The following ELAVL4 variants were observed in gnomAD, a reference collection of about 807,000 sequenced individuals.
ELAVL4 encodes the protein ELAV like RNA binding protein 4.
In ELAVL4, 1 loss-of-function variant was observed where a neutral mutation model predicts 35.6. The ratio of observed to expected loss-of-function variants is 0.03; its 90% CI spans 0.01 to 0.13. The LOEUF (loss-of-function observed/expected upper bound fraction) is 0.13. Ranked by LOEUF, ELAVL4 falls within the 10% of genes least tolerant of loss-of-function variation. The pLI is 1.00. For synonymous variants in ELAVL4, 156 were observed against 171.0 expected, an observed-to-expected ratio of 0.91 and a Z score of 0.69; for missense variants, 267 against 464.9, an observed-to-expected ratio of 0.57 and a Z score of 3.91.
intron 2 of ELAVL4, among the ~76,000 whole-genome samples, chr1:50,153,311 G>C (rs191067742): frequency 6.6e-6 from 1 of 152,186 alleles, no homozygotes; most frequent in South Asian, 2.1e-4. Flanking sequence ...TGCCTACTGC[G>C]TGTCAGCTAC....
intron 1 of ELAVL4, 25 bp from the exon 2 acceptor site, chr1:50,144,932 T>C: frequency 6.3e-7 from 1 of 1,597,052 alleles, no homozygotes; most frequent in Non-Finnish European, 8.5e-7. Context: ...AAAAGGCTTT[T>C]TCAATTGTTT....
chr1:50,082,284 A>G (rs945257760), intron 1 of ELAVL4, among the ~76,000 whole-genome samples: 2 of 152,196 alleles, frequency 1.3e-5, no homozygotes, highest in African/African-American at 4.8e-5. Flanking sequence ...GAACTAATTT[A>G]CACTCCTACC....
intron 3 of ELAVL4, among the ~76,000 whole-genome samples, chr1:50,184,758 A>G (rs1179765958): frequency 2.0e-5 from 3 of 152,162 alleles, no homozygotes; most frequent in African/African-American, 7.2e-5. Context: ...GGCTCCGATC[A>G]TCGGAAGCAT....
chr1:50,085,701 A>T (rs890114404), intron 1 of ELAVL4, among the ~76,000 whole-genome samples: 1 of 152,210 alleles, frequency 6.6e-6, no homozygotes, highest in Non-Finnish European at 1.5e-5. Flanking sequence ...TTGACAGATG[A>T]GGTACCATTT....
Position 50,162,983 on chromosome 1 carries a change from A to T in ELAVL4, c.251-14106A>T, listed in dbSNP as rs914846326. 2.0e-5 allele frequency among the ~76,000 whole-genome samples: 3 copies of T among 152,210 alleles called. No individual in the cohort carries two copies. The South Asian group carries it at 6.2e-4, about 32-fold the overall frequency. ...GAATCTCTGCCAGAGATATAAGGAG[A>T]TCTCATATACACATCTGAGAATGGA... On this transcript the variant is annotated intron_variant, in intron 2 of 6. Transcript: ENST00000371824.
At chr1:50,089,529 G>A (rs1352478414) in intron 1 of ELAVL4, among the ~76,000 whole-genome samples, 4 of 152,212 alleles carry the variant, frequency 2.6e-5, no homozygotes, top group African/African-American at 9.6e-5. Flanking sequence ...AAGGTGGGCA[G>A]ATCAATTGAG....
At chr1:50,131,186 G>A (rs946215303) in intron 1 of ELAVL4, among the ~76,000 whole-genome samples, 1 of 151,852 alleles carries the variant, frequency 6.6e-6, no homozygotes, top group Non-Finnish European at 1.5e-5. Context: ...ATATTCTTAG[G>A]GACATAGTAA....
At chr1:50,079,103 T>C (rs760350405) in intron 1 of ELAVL4, among the ~76,000 whole-genome samples, 1 of 152,186 alleles carries the variant, frequency 6.6e-6, no homozygotes, top group Non-Finnish European at 1.5e-5. Flanking sequence ...TTATTTATTA[T>C]TATTTTTTAG....
chr1:50,109,516 G>T, intron 1 of ELAVL4: 1 of 364,302 alleles, frequency 2.7e-6, no homozygotes, highest in Non-Finnish European at 4.9e-6. Context: ...GGCAAAAGAA[G>T]GGTTTTCTTT....
chr1:50,176,035 T>G (rs960048297), intron 2 of ELAVL4, among the ~76,000 whole-genome samples: 1 of 152,160 alleles, frequency 6.6e-6, no homozygotes, highest in Admixed American at 6.5e-5. Context: ...TCTTAAAGGG[T>G]ATGTCAGAAA....
chr1:50,078,175 G>A (rs543047366), intron 1 of ELAVL4, among the ~76,000 whole-genome samples: 1 of 151,600 alleles, frequency 6.6e-6, no homozygotes, highest in South Asian at 2.1e-4. Flanking sequence ...ATATCTATGT[G>A]AATATATTGC....
At chr1:50,084,083 T>A (rs1665128911) in intron 1 of ELAVL4, among the ~76,000 whole-genome samples, 1 of 152,194 alleles carries the variant, frequency 6.6e-6, no homozygotes, top group Admixed American at 6.5e-5. Context: ...TCTTTAGCCA[T>A]CAGGACATTT....
intron 2 of ELAVL4, among the ~76,000 whole-genome samples, chr1:50,151,410 A>T (rs1312539330): frequency 6.6e-6 from 1 of 152,170 alleles, no homozygotes. Flanking sequence ...CTAGACTTGG[A>T]GTGGTTTTTT....
intron 3 of ELAVL4, among the ~76,000 whole-genome samples, chr1:50,188,692 A>G (rs1442734823): frequency 6.6e-6 from 1 of 152,202 alleles, no homozygotes; most frequent in Non-Finnish European, 1.5e-5. Context: ...AGCCTGGAAC[A>G]GAATGTGTGC....
intron 1 of ELAVL4, among the ~76,000 whole-genome samples, chr1:50,091,947 C>A (rs1038605519): frequency 2.0e-5 from 3 of 152,138 alleles, no homozygotes; most frequent in Admixed American, 2.0e-4. Context: ...CTTCCAAACT[C>A]TTTCGCCTAG....
intron 1 of ELAVL4, among the ~76,000 whole-genome samples, chr1:50,113,046 C>A (rs1447981196): frequency 6.6e-6 from 1 of 152,014 alleles, no homozygotes; most frequent in Admixed American, 6.6e-5. Flanking sequence ...ATATTTTAAA[C>A]TTAGGATTTC....
chr1:50,138,306 AT>A (rs1310778985), intron 1 of ELAVL4, among the ~76,000 whole-genome samples: 22 of 152,200 alleles, frequency 1.4e-4, no homozygotes, highest in Non-Finnish European at 2.8e-4. Context: ...TCTGGAGATA[AT>A]AGATTGGCTT....
chr1:50,088,369 A>G (rs1665340376), intron 1 of ELAVL4, among the ~76,000 whole-genome samples: 1 of 152,180 alleles, frequency 6.6e-6, no homozygotes, highest in African/African-American at 2.4e-5. Context: ...ATGCTGACTT[A>G]TTCATTAACA....
chr1:50,051,202 T>C (rs1415843167), intron 1 of ELAVL4, among the ~76,000 whole-genome samples: 1 of 152,158 alleles, frequency 6.6e-6, no homozygotes. Flanking sequence ...CAAACATATA[T>C]CCACAAAGAG....
Sources: gnomAD v4.1 joint callset for allele counts (sites outside exome capture counted in the v4.1 genomes callset) on GRCh38, gnomAD v4.1.1 for gene constraint, MANE v1.5 for transcripts, NCBI Gene and HGNC (gene_info 2026-07-23, HGNC 2026-07-21) for gene names.